PICALM: variants seen among roughly 807,000 people sequenced by gnomAD.
PICALM encodes phosphatidylinositol-binding clathrin assembly protein.
In PICALM, 40 loss-of-function variants were observed where a neutral mutation model predicts 80.5. The ratio of observed to expected loss-of-function variants is 0.50; its 90% CI spans 0.39 to 0.65. The LOEUF (loss-of-function observed/expected upper bound fraction) is 0.65. PICALM is among the 30% of genes least tolerant of loss of function. The pLI is 0.00. For synonymous variants in PICALM, 288 were observed against 260.3 expected, an observed-to-expected ratio of 1.11 and a Z score of -1.02; for missense variants, 676 against 778.9, an observed-to-expected ratio of 0.87 and a Z score of 1.57.
chr11:86,016,919 T>C (rs2136382436), intron 4 of PICALM, among the ~76,000 whole-genome samples: 1 of 152,288 alleles, frequency 6.6e-6, no homozygotes, highest in East Asian at 1.9e-4. Context: ...ACTATATTTC[T>C]ATTTAAAAAG....
intron 17 of PICALM, among the ~76,000 whole-genome samples, chr11:85,979,359 G>A (rs1671176225): frequency 6.6e-6 from 1 of 151,762 alleles, no homozygotes; most frequent in African/African-American, 2.4e-5. Context: ...ACCTGGTGGT[G>A]GGCACCTGTA....
intron 1 of PICALM, among the ~76,000 whole-genome samples, chr11:86,058,574 C>T (rs749501836): frequency 2.6e-5 from 4 of 152,162 alleles, no homozygotes; most frequent in Non-Finnish European, 4.4e-5. Flanking sequence ...TTCCCACTGG[C>T]CCCTGGAATC....
chr11:85,994,696 A>G (rs1271658300), intron 12 of PICALM, among the ~76,000 whole-genome samples: 1 of 152,228 alleles, frequency 6.6e-6, no homozygotes, highest in South Asian at 2.1e-4. Context: ...TAATGTTATG[A>G]TCTAAGCTTC....
In PICALM at chr11:86,038,669, T is replaced by C. The variant is rs970013852; in HGVS notation, c.131-7058A>G. Among the ~76,000 whole-genome samples the C allele has an allele frequency of 2.0e-5, 3 of 149,944 alleles. No homozygotes were observed. The Admixed American group carries it at 2.0e-4, about 10-fold the overall frequency. On this transcript the variant is annotated intron_variant, in intron 1 of 19. Coordinates refer to ENST00000393346, the MANE Select transcript of PICALM (RefSeq NM_007166.4). ...GGTGGCAGGTGCCTGTAATCCCAGCTACTTGGGAGGCTGAGGCAGAGAACT... is the reference window on the plus strand; with the variant it reads ...GGTGGCAGGTGCCTGTAATCCCAGCCACTTGGGAGGCTGAGGCAGAGAACT...
chr11:85,997,582 T>C (rs2095012112), intron 11 of PICALM, among the ~76,000 whole-genome samples: 1 of 152,194 alleles, frequency 6.6e-6, no homozygotes, highest in Non-Finnish European at 1.5e-5. Context: ...ATGATTCTCC[T>C]GCCTTAGCCT....
At chr11:86,037,347 C>T (rs1293792109) in intron 1 of PICALM, among the ~76,000 whole-genome samples, 1 of 145,886 alleles carries the variant, frequency 6.9e-6, no homozygotes, top group East Asian at 2.0e-4. Context: ...GCCACCTTTG[C>T]CACCCAGGTT....
chr11:86,053,000 T>C (rs2096214674), intron 1 of PICALM, among the ~76,000 whole-genome samples: 1 of 152,336 alleles, frequency 6.6e-6, no homozygotes, highest in South Asian at 2.1e-4. Context: ...TCCAGTTATC[T>C]TCCCTTATCA....
At chr11:85,963,947 A>AT (rs2093785528) in intron 19 of PICALM, among the ~76,000 whole-genome samples, 1 of 39,518 alleles carries the variant, frequency 2.5e-5, no homozygotes, top group Non-Finnish European at 6.0e-5. Flanking sequence ...TTTTTTTATT[A>AT]AAGTTAAGGT....
At chr11:85,977,516 C>T (rs757385332) in intron 17 of PICALM, among the ~76,000 whole-genome samples, 16 of 152,038 alleles carry the variant, frequency 1.1e-4, no homozygotes, top group Non-Finnish European at 2.1e-4. Flanking sequence ...AATAACACTG[C>T]TAAAACATAA....
chr11:86,034,295 A>G (rs961856537), intron 1 of PICALM, among the ~76,000 whole-genome samples: 2 of 152,150 alleles, frequency 1.3e-5, no homozygotes, highest in Non-Finnish European at 2.9e-5. Context: ...CATTTTCTCC[A>G]TACAGTAATT....
At chr11:85,976,402 A>G (rs568493797) in intron 18 of PICALM, among the ~76,000 whole-genome samples, 1 of 152,338 alleles carries the variant, frequency 6.6e-6, no homozygotes, top group South Asian at 2.1e-4. Context: ...TACGAGGAGA[A>G]AAATAAACCA....
Position 86,068,953 on chromosome 11 carries a change from C to A in PICALM, c.-173G>T. The A allele has an allele frequency of 1.3e-6, 1 of 783,760 alleles. No homozygotes were observed. Among genetic ancestry groups the A allele is most frequent in the Non-Finnish European group, 1.9e-6 (1 of 514,966 alleles). 48.6% of individuals were successfully genotyped at this position (783,760 alleles called of 1,614,324 possible). On this transcript the variant is annotated 5_prime_UTR_variant, in exon 1 of 20. Transcript: ENST00000393346. ...GCGCTGCCACCAGTCCAGAGAGAAC[C>A]GGCTCGTGTCACCCGCGGAGTCGGA...
At chr11:86,017,080 G>A (rs375634125) in intron 4 of PICALM, among the ~76,000 whole-genome samples, 19 of 152,040 alleles carry the variant, frequency 1.2e-4, no homozygotes, top group East Asian at 5.8e-4. Context: ...AAAAGTAGCC[G>A]GGCACAGTGG....
chr11:86,058,637 C>T (rs2096306630), intron 1 of PICALM, among the ~76,000 whole-genome samples: 1 of 152,224 alleles, frequency 6.6e-6, no homozygotes, highest in Admixed American at 6.5e-5. Context: ...ACCACCATTG[C>T]TACCACCACC....
In PICALM at chr11:86,045,598, C is replaced by G. The variant is rs150124717; in HGVS notation, c.131-13987G>C. Reference sequence around the variant, plus strand: ...TTCCTATTTCTCAGCACTAAAAAGTCTGACAATTTTACTTCCTGACAAATG... The same window carrying G: ...TTCCTATTTCTCAGCACTAAAAAGTGTGACAATTTTACTTCCTGACAAATG... On this transcript the variant is annotated intron_variant, in intron 1 of 19. Transcript: ENST00000393346. 5.4e-3 allele frequency among the ~76,000 whole-genome samples: 790 copies of G among 147,128 alleles called. 11 individuals are homozygous for G. The highest frequency in any genetic ancestry group is 0.018 in the African/African-American group (740 of 40,360).
intron 19 of PICALM, among the ~76,000 whole-genome samples, chr11:85,961,554 C>T (rs1410601387): frequency 6.6e-6 from 1 of 152,220 alleles, no homozygotes; most frequent in East Asian, 1.9e-4. Context: ...CAAACACAGA[C>T]TATTCCTGAA....
intron 2 of PICALM, among the ~76,000 whole-genome samples, chr11:86,027,075 C>G (rs1328432344): frequency 6.6e-6 from 1 of 152,230 alleles, no homozygotes. Flanking sequence ...AATTGTCCCA[C>G]TTAACATTTC....
Position 86,068,651 on chromosome 11 carries a change from A to T in PICALM, c.130T>A (p.Tyr44Asn), listed in dbSNP as rs1203356239. 1.1e-5 allele frequency: 18 copies of T among 1,607,352 alleles called. No homozygotes were observed. Among genetic ancestry groups the T allele is most frequent in the Non-Finnish European group, 1.4e-5 (16 of 1,177,704 alleles). Residue 44 changes from tyrosine (Y) to asparagine (N), a missense_variant and splice_region_variant, in exon 1 of 20, where the codon TAC becomes AAC. Around this residue, in one of 2 missense-constraint regions of PICALM, gnomAD observed 285 missense variants for 395.4 expected, o/e 0.72. Transcript: ENST00000393346. ...GGGGGCCGCGGTCGGCTTCACTCAC[A>T]GTCCAGGTGCTTTTTCTTGGGCCCC... ...IMGPKKKHLD[Y>N]LIQCTNEMNV...
At chr11:86,016,132 T>C (rs2095477790) in intron 4 of PICALM, among the ~76,000 whole-genome samples, 1 of 152,206 alleles carries the variant, frequency 6.6e-6, no homozygotes, top group Non-Finnish European at 1.5e-5. Flanking sequence ...CTTACTGATG[T>C]CATTTTTTTA....
Sources: gnomAD v4.1 joint callset for allele counts (sites outside exome capture counted in the v4.1 genomes callset) on GRCh38, gnomAD v4.1.1 for gene constraint, gnomAD v4.1.1 regional missense constraint, MANE v1.5 for transcripts, NCBI Gene and HGNC (gene_info 2026-07-23, HGNC 2026-07-21) for gene names.